Variants in CTNND2 observed in about 807,000 individuals in gnomAD.
CTNND2 encodes the protein catenin delta-2.
Under a neutral mutation model 144.4 loss-of-function variants are expected in CTNND2, and 22 were observed. The ratio of observed to expected loss-of-function variants is 0.15; its 90% CI spans 0.11 to 0.22. The LOEUF (loss-of-function observed/expected upper bound fraction) is 0.22, where lower values mean the gene tolerates loss of function less well. Ranked by LOEUF, CTNND2 falls within the 10% of genes least tolerant of loss-of-function variation. The probability of loss-of-function intolerance (pLI) is 1.00; values close to 1 mark genes in which losing one functional copy is unlikely to be tolerated. For missense variants in CTNND2, 1,353 were observed against 1,618.8 expected, an observed-to-expected ratio of 0.84 and a Z score of 2.82; for synonymous variants, 751 against 695.6, an observed-to-expected ratio of 1.08 and a Z score of -1.25.
At chr5:11,543,817 C>A (rs1178417160) in intron 3 of CTNND2, among the ~76,000 whole-genome samples, 2 of 152,074 alleles carry the variant, frequency 1.3e-5, no homozygotes, top group Non-Finnish European at 2.9e-5. Flanking sequence ...CAATACAGAC[C>A]AATAATTTAG....
At chr5:11,197,473 C>T (rs991878201) in intron 11 of CTNND2, among the ~76,000 whole-genome samples, 2 of 152,160 alleles carry the variant, frequency 1.3e-5, no homozygotes, top group Non-Finnish European at 2.9e-5. Flanking sequence ...GTGCAAACCT[C>T]CTTCTTCTTA....
chr5:11,680,047 A>G (rs1784358050), intron 2 of CTNND2, among the ~76,000 whole-genome samples: 1 of 152,210 alleles, frequency 6.6e-6, no homozygotes, highest in Non-Finnish European at 1.5e-5. Context: ...GTGTAACATG[A>G]AGGAAAGTCA....
chr5:11,040,602 A>G (rs1315541399), intron 16 of CTNND2, among the ~76,000 whole-genome samples: 1 of 152,238 alleles, frequency 6.6e-6, no homozygotes, highest in Non-Finnish European at 1.5e-5. Flanking sequence ...ACTGTGGGCA[A>G]GAAGGTGGCT....
chr5:11,045,219 G>A lies in CTNND2; in HGVS notation c.2789-22240C>T, dbSNP rs185366482. On this transcript the variant is annotated intron_variant, in intron 16 of 21. Transcript: ENST00000304623. ...ACTGGGTAATTCGTAAAGAAAATAA[G>A]TTTATTTGGATCATGGTTCTGCAGG... 1.1e-4 allele frequency among the ~76,000 whole-genome samples: 17 copies of A among 152,294 alleles called. 1 individual carries two copies. The highest frequency in any genetic ancestry group is 5.9e-4 in the Admixed American group (9 of 15,288).
rs535119813 is a variant in CTNND2, at chr5:11,676,175, A to G, written c.174+55961T>C. Among the ~76,000 whole-genome samples the G allele has an allele frequency of 3.9e-5, 6 of 152,180 alleles. No homozygotes were observed. The East Asian group carries it at 9.7e-4, about 25-fold the overall frequency. On this transcript the variant is annotated intron_variant, in intron 2 of 21. Coordinates refer to ENST00000304623, the MANE Select transcript of CTNND2 (RefSeq NM_001332.4). ...GCTTAGATACTGTTTTCCTAACTTTACTACCTTTTAGGTATAAAAACAGCT... is the reference window on the plus strand; with the variant it reads ...GCTTAGATACTGTTTTCCTAACTTTGCTACCTTTTAGGTATAAAAACAGCT...
At chr5:11,352,614 A>G (rs1755440730) in intron 8 of CTNND2, among the ~76,000 whole-genome samples, 2 of 152,222 alleles carry the variant, frequency 1.3e-5, no homozygotes, top group Non-Finnish European at 2.9e-5. Flanking sequence ...GAAACTTTGA[A>G]TAACATTTTT....
intron 2 of CTNND2, among the ~76,000 whole-genome samples, chr5:11,679,460 G>C (rs1451041458): frequency 6.6e-6 from 1 of 152,126 alleles, no homozygotes; most frequent in African/African-American, 2.4e-5. Flanking sequence ...CGTTATGCTG[G>C]ACCATCTTAT....
chr5:11,405,783 G>T (rs1407573528), intron 5 of CTNND2, among the ~76,000 whole-genome samples: 1 of 152,128 alleles, frequency 6.6e-6, no homozygotes, highest in Non-Finnish European at 1.5e-5. Flanking sequence ...AGGGGGGGAA[G>T]TGAGTGTAAG....
intron 9 of CTNND2, among the ~76,000 whole-genome samples, chr5:11,290,928 A>T (rs13354148): frequency 0.12 from 18,124 of 152,236 alleles, 1,220 homozygotes; most frequent in Admixed American, 0.18. Context: ...GTTTAATTAA[A>T]CCGTTGATTT....
intron 11 of CTNND2, among the ~76,000 whole-genome samples, chr5:11,174,315 G>A (rs1760246003): frequency 6.6e-6 from 1 of 152,178 alleles, no homozygotes; most frequent in South Asian, 2.1e-4. Context: ...TGAAGTCACA[G>A]AAGTAAAGAA....
At chr5:11,523,241 G>C (rs1042602182) in intron 3 of CTNND2, among the ~76,000 whole-genome samples, 2 of 152,114 alleles carry the variant, frequency 1.3e-5, no homozygotes, top group African/African-American at 4.8e-5. Flanking sequence ...GTAATACGTG[G>C]AAGCACAATA....
chr5:11,608,715 C>A (rs563773687), intron 2 of CTNND2, among the ~76,000 whole-genome samples: 1 of 152,274 alleles, frequency 6.6e-6, no homozygotes, highest in African/African-American at 2.4e-5. Flanking sequence ...ATCTTGCACC[C>A]CCTGACACCC....
intron 1 of CTNND2, among the ~76,000 whole-genome samples, chr5:11,733,042 C>T (rs1438833751): frequency 6.6e-6 from 1 of 152,124 alleles, no homozygotes; most frequent in African/African-American, 2.4e-5. Flanking sequence ...AGCTCTGCAC[C>T]TCTTCCCCCA....
chr5:11,483,856 G>T (rs1375647429), intron 3 of CTNND2, among the ~76,000 whole-genome samples: 3 of 152,334 alleles, frequency 2.0e-5, no homozygotes, highest in East Asian at 3.9e-4. Flanking sequence ...AGACTCAGAA[G>T]AAAGAAATGT....
intron 3 of CTNND2, among the ~76,000 whole-genome samples, chr5:11,446,705 T>C (rs1764834914): frequency 1.3e-5 from 2 of 152,164 alleles, no homozygotes; most frequent in South Asian, 4.1e-4. Context: ...TGTGAATTTC[T>C]GGAGATCAAG....
intron 2 of CTNND2, among the ~76,000 whole-genome samples, chr5:11,726,096 T>A (rs1787002140): frequency 6.6e-6 from 1 of 152,226 alleles, no homozygotes; most frequent in South Asian, 2.1e-4. Flanking sequence ...CTTGAATCTT[T>A]TTTTTTCAAA....
intron 2 of CTNND2, among the ~76,000 whole-genome samples, chr5:11,696,139 T>C (rs1236563645): frequency 6.6e-6 from 1 of 152,254 alleles, no homozygotes; most frequent in Non-Finnish European, 1.5e-5. Context: ...TTGTGAGTAA[T>C]CTCATCTCTT....
At chr5:11,350,691 AAAT>A (rs772187544) in intron 8 of CTNND2, among the ~76,000 whole-genome samples, 6 of 152,204 alleles carry the variant, frequency 3.9e-5, no homozygotes, top group Admixed American at 1.3e-4. Flanking sequence ...AATGCAATGA[AAAT>A]AATGTAAAAT....
At chr5:11,240,549 A>AAC (rs141274112) in intron 9 of CTNND2, among the ~76,000 whole-genome samples, 68,010 of 104,676 alleles carry the variant, frequency 0.65, 23,107 homozygotes, top group African/African-American at 0.85. Flanking sequence ...ACACACACCC[A>AAC]ACACACACAC....
Sources: allele counts gnomAD v4.1 joint callset (sites outside exome capture counted in the v4.1 genomes callset), GRCh38; gene constraint gnomAD v4.1.1; transcripts MANE v1.5; gene names NCBI Gene and HGNC (gene_info 2026-07-23, HGNC 2026-07-21).